QRICH2: variants seen among roughly 807,000 people sequenced by gnomAD.
The protein encoded by QRICH2 is glutamine-rich protein 2.
A neutral mutation model predicts 168.3 loss-of-function variants in QRICH2; 119 were observed. The ratio of observed to expected loss-of-function variants is 0.71; its 90% CI spans 0.61 to 0.82. QRICH2 has a LOEUF of 0.82. Ranked by LOEUF, QRICH2 falls within the 40% of genes least tolerant of loss-of-function variation. The pLI is 0.00. For synonymous variants in QRICH2, 894 were observed against 951.2 expected (o/e 0.94, Z 1.11); for missense variants, 2,241 against 2,491.6 (o/e 0.90, Z 2.14).
rs1251371728 is a variant in QRICH2 at position 76,287,063 on chromosome 17, CACACACACACACACACACACACACAT to C, written c.4011+103_4011+128del. The C allele has an allele frequency of 0.027, 6,578 of 247,676 alleles. 761 individuals are homozygous for C. In the African/African-American group the frequency reaches 0.3, roughly 11 times the overall value. The allele number at this position is 247,676 out of a possible 1,614,324, so 15.3% of individuals were successfully genotyped here. A position where few individuals can be genotyped will look rare whatever the true frequency, so the allele number is the denominator to read the frequency against. On this transcript the variant is annotated intron_variant, in intron 7 of 18. Transcript: ENST00000680821. ...CACATAACACACACACACACACACA[CACACACACACACACACACACACACAT>C]GATGGGAGGGACCTAGTTTTTGATG...
Position 76,274,231 on chromosome 17 carries a change from A to C in QRICH2, c.5512T>G (p.Ser1838Ala), listed in dbSNP as rs113534690. 1,840 of 1,595,680 alleles carry C rather than the reference A, an allele frequency of 1.2e-3. 43 individuals are homozygous for C. The South Asian group carries it at 0.019, about 17-fold the overall frequency. Reference sequence around the variant, plus strand: ...GGCTGGGAGAGACGGCCCTCGGAGGAAGGTCTATCTTTCTGTTGACGAGAA... The same window carrying C: ...GGCTGGGAGAGACGGCCCTCGGAGGCAGGTCTATCTTTCTGTTGACGAGAA... ...VSSRQQKDRP[S>A]SEGRLSQPNT... The change falls in exon 19 of 19, where the codon TCC (serine) becomes GCC (alanine). Residue 1838 changes from serine to alanine, a missense_variant. Around this residue, in one of 3 missense-constraint regions of QRICH2, gnomAD observed 189 missense variants for 169.3 expected, o/e 1.12. Transcript: ENST00000680821.
In QRICH2 at chr17:76,292,679, G is replaced by A. The variant is rs773184263; in HGVS notation, c.2048C>T (p.Pro683Leu). Reference protein sequence around the residue: ...PGRFQRALVQPGAYQPGLVQP... With the variant: ...PGRFQRALVQLGAYQPGLVQP... ...GACCAAGCCAGGCTGATATGCACCA[G>A]GCTGCACCAAAGCACGCTGAAATCT... The change falls in exon 4 of 19, where the codon CCT (proline) becomes CTT (leucine). Residue 683 changes from proline (P) to leucine (L), a missense_variant. This residue lies in a region of QRICH2 where 2,047 missense variants were observed against 2,303.8 expected (regional missense o/e 0.89). Transcript: ENST00000680821. 2 of 1,608,944 alleles carry A rather than the reference G, an allele frequency of 1.2e-6. No individual in the cohort carries two copies. Among genetic ancestry groups the A allele is most frequent in the Non-Finnish European group, 8.5e-7 (1 of 1,178,468 alleles).
intron 1 of QRICH2, 87 bp from the exon 2 acceptor site, chr17:76,305,028 C>A: frequency 1.1e-6 from 1 of 890,290 alleles, no homozygotes; most frequent in Non-Finnish European, 1.9e-6. Flanking sequence ...CGCACACACA[C>A]TCTCACACTC....
chr17:76,307,900 G>A lies in QRICH2; in HGVS notation c.99C>T (p.Leu33=). 3 of 1,265,756 alleles carry A rather than the reference G, an allele frequency of 2.4e-6. No individual in the cohort carries two copies. In the South Asian group the frequency reaches 9.6e-5, roughly 40 times the overall value. The allele number at this position is 1,265,756 out of a possible 1,614,324, so 78.4% of individuals were successfully genotyped here. ...CGAGGTTCTTGAGCATGGCCACGATGAGCGTGTGCAGGGCCGTGAAGTTGA... is the reference window on the plus strand; with the variant it reads ...CGAGGTTCTTGAGCATGGCCACGATAAGCGTGTGCAGGGCCGTGAAGTTGA... ...GAVNFTALHT[L]IVAMLKNLDL... is the part of the protein sequence containing the mutation. The change falls in exon 1 of 19, where the codon CTC becomes CTT. Residue 33 remains leucine (L), a synonymous_variant. Transcript: ENST00000680821. This position sits in a 1 kb window ranked among gnomAD's most constrained non-coding sequence, Gnocchi z 5.3.
At position 76,278,007 on chromosome 17, in the gene QRICH2, C is replaced by G; in HGVS notation, c.5099G>C (p.Gly1700Ala). The G allele has an allele frequency of 6.2e-7, 1 of 1,612,430 alleles. No individual in the cohort carries two copies. Among genetic ancestry groups the G allele is most frequent in the Non-Finnish European group, 8.5e-7 (1 of 1,180,040 alleles). The change falls in exon 15 of 19, where the codon GGC (glycine) becomes GCC (alanine). Residue 1700 changes from glycine to alanine, a missense_variant. Physicochemically the swap from Gly to Ala is moderately conservative, Grantham distance 60. This residue lies in a region of QRICH2 where 2,047 missense variants were observed against 2,303.8 expected (regional missense o/e 0.89). Transcript: ENST00000680821. The stretch of plus-strand genomic sequence containing the variant: ...CCTGTACCGTTTGTAGCAGGGGGAG[C>G]CCAGGCACTGGGCGTGCAGCAGCTC... ...IRELLHAQCL[G>A]SPCYKRVTDM...
rs371223711 is a variant in QRICH2, at chr17:76,292,008, C to T, written c.2719G>A (p.Gly907Ser). The T allele has an allele frequency of 4.5e-5, 72 of 1,614,090 alleles. No homozygotes were observed. The East Asian group carries it at 1.4e-3, about 32-fold the overall frequency. Residue 907 changes from glycine to serine, a missense_variant, in exon 4 of 19, where the codon GGT (glycine) becomes AGT (serine). Physicochemically the swap from Gly to Ser is moderately conservative, Grantham distance 56 (BLOSUM62 0). Transcript: ENST00000680821. ...DQPGLVQPGA[G>S]QLGMVQPGIG... ...CCAGGCTGCACCATACCCAGCTGAC[C>T]TGCACCAGGCTGGACCAAACCAGGC... is the stretch of plus-strand genomic sequence containing the variant.
intron 7 of QRICH2, 80 bp downstream of exon 7, chr17:76,287,112 A>C: frequency 1.4e-6 from 1 of 726,374 alleles, no homozygotes; most frequent in Non-Finnish European, 2.4e-6. Context: ...CTAGTTTTTG[A>C]TGAGAGGTGG....
intron 7 of QRICH2, 61 bp from the exon 8 acceptor site, chr17:76,282,176 C>T (rs1041100484): frequency 6.5e-7 from 1 of 1,531,786 alleles, no homozygotes; most frequent in Non-Finnish European, 8.8e-7. Flanking sequence ...ACGCTCTGCC[C>T]ATGCTGGCAC....
chr17:76,309,875 C>T (rs1242612937), upstream of QRICH2: 3 of 152,202 alleles, frequency 2.0e-5, no homozygotes. Flanking sequence ...TTTTTCACTT[C>T]AGCCTGAGAG....
chr17:76,279,388 G>A lies in QRICH2; in HGVS notation c.4789C>T (p.Pro1597Ser), dbSNP rs779404822. 1.2e-6 allele frequency: 2 copies of A among 1,613,140 alleles called. No homozygotes were observed. Among genetic ancestry groups the A allele is most frequent in the African/African-American group, 1.3e-5 (1 of 75,058 alleles). ...AHFHCLSCDRPLETPVTGHAI... is the reference protein window; with the variant it reads ...AHFHCLSCDRSLETPVTGHAI... ...TGTCCAGTCACAGGTGTCTCCAAGGGCCGGTCACATGAGAGGCAGTGGAAA... is the reference window on the plus strand; with the variant it reads ...TGTCCAGTCACAGGTGTCTCCAAGGACCGGTCACATGAGAGGCAGTGGAAA... The change falls in exon 13 of 19, where the codon CCC becomes TCC. Residue 1597 changes from proline (P) to serine (S), a missense_variant. By Grantham distance (74) the Pro-to-Ser change is moderately conservative. This residue lies in a region of QRICH2 where 2,047 missense variants were observed against 2,303.8 expected (regional missense o/e 0.89). Coordinates refer to ENST00000680821, the MANE Select transcript of QRICH2 (RefSeq NM_001388453.1).
chr17:76,279,191 G>A lies in QRICH2; in HGVS notation c.4815-49C>T, dbSNP rs748208184. ...GGGCGGGTCAGAGTGGGACAAGTCC[G>A]GTCCCCCAAATCCACCTGCCTAAAG... On this transcript the variant is annotated intron_variant, in intron 13 of 18. Transcript: ENST00000680821. 7.4e-6 allele frequency: 11 copies of A among 1,484,068 alleles called. No homozygotes were observed. In the Admixed American group the frequency reaches 9.1e-5, roughly 12 times the overall value. The allele number at this position is 1,484,068 out of a possible 1,614,324, so 91.9% of individuals were successfully genotyped here. A position where few individuals can be genotyped will look rare whatever the true frequency, so the allele number is the denominator to read the frequency against.
At position 76,307,608 on chromosome 17, in the gene QRICH2, C is replaced by T. The variant is rs908686565; in HGVS notation, c.391G>A (p.Val131Met). Residue 131 changes from valine to methionine, a missense_variant, in exon 1 of 19, where the codon GTG becomes ATG. Val to Met is a conservative substitution (Grantham distance 21). Coordinates refer to ENST00000680821, the MANE Select transcript of QRICH2 (RefSeq NM_001388453.1). This position sits in a 1 kb window ranked among gnomAD's most constrained non-coding sequence, Gnocchi z 5.3. Reference protein sequence around the residue: ...DGQVQGIATHVQHFSQASGLD... With the variant: ...DGQVQGIATHMQHFSQASGLD... ...CCGCTGGCCTGGGAGAAGTGCTGCACGTGCGTGGCGATGCCCTGCACCTGG... is the reference window on the plus strand; with the variant it reads ...CCGCTGGCCTGGGAGAAGTGCTGCATGTGCGTGGCGATGCCCTGCACCTGG... The T allele has an allele frequency of 3.9e-6, 6 of 1,534,872 alleles. No homozygotes were observed. The highest frequency in any genetic ancestry group is 1.8e-4 in the Middle Eastern group (1 of 5,662).
At position 76,307,786 on chromosome 17, in the gene QRICH2, C is replaced by T. The variant is rs2071014405; in HGVS notation, c.213G>A (p.Pro71=). Residue 71 remains proline (P), a synonymous_variant, in exon 1 of 19, where the codon CCG becomes CCA. Coordinates refer to ENST00000680821, the MANE Select transcript of QRICH2 (RefSeq NM_001388453.1). This position sits in a 1 kb window ranked among gnomAD's most constrained non-coding sequence, Gnocchi z 5.3. ...LQSVRSSFSI[P]HLPAPKEVPK... ...GCACCTCCTTGGGCGCGGGCAGGTG[C>T]GGGATGCTGAACGAGCTCCGGACGG... is the stretch of plus-strand genomic sequence containing the variant. The T allele has an allele frequency of 7.3e-7, 1 of 1,373,048 alleles. No individual in the cohort carries two copies. Among genetic ancestry groups the T allele is most frequent in the East Asian group, 2.8e-5 (1 of 35,566 alleles). The allele number at this position is 1,373,048 out of a possible 1,614,324, so 85.1% of individuals were successfully genotyped here.
intron 17 of QRICH2, 78 bp downstream of exon 17, chr17:76,276,600 TAA>T: frequency 9.6e-7 from 1 of 1,043,594 alleles, no homozygotes; most frequent in South Asian, 1.4e-5. Flanking sequence ...TAGTGGCCCA[TAA>T]AAGTGCCAGG....
rs756117622 is a variant in QRICH2, at chr17:76,291,226, T to C, written c.3501A>G (p.Glu1167=). The change falls in exon 4 of 19, where the codon GAA becomes GAG. Residue 1167 remains glutamate (E), a synonymous_variant. Transcript: ENST00000680821. ...SPDSVDRVLS[E]GSEVSSEVLS... ...GGACTTCACTCGAGACTTCGCTCCC[T>C]TCTGATAAGACTCGGTCGACGGAGT... 1.2e-6 allele frequency: 2 copies of C among 1,614,198 alleles called. No homozygotes were observed. The highest frequency in any genetic ancestry group is 3.3e-5 in the Admixed American group (2 of 60,018).
chr17:76,298,500 T>C (rs1256534709), intron 3 of QRICH2, among the ~76,000 whole-genome samples: 4 of 152,066 alleles, frequency 2.6e-5, no homozygotes, highest in Admixed American at 2.0e-4. Flanking sequence ...TAAAAACTTT[T>C]TGTAGAGACG....
chr17:76,294,121 C>G, intron 3 of QRICH2, 100 bp from the exon 4 acceptor site: 1 of 1,448,208 alleles, frequency 6.9e-7, no homozygotes, highest in East Asian at 2.3e-5. Flanking sequence ...TGATTTAGGG[C>G]CCCTGGAGAA....
rs2071005088 is a variant in QRICH2, at chr17:76,307,315, C to T, written c.534+150G>A. The T allele has an allele frequency of 2.7e-6, 2 of 727,316 alleles. No homozygotes were observed. The highest frequency in any genetic ancestry group is 4.6e-6 in the Non-Finnish European group (2 of 437,640). 45.1% of individuals were successfully genotyped at this position (727,316 alleles called of 1,614,324 possible). A position where few individuals can be genotyped will look rare whatever the true frequency, so the allele number is the denominator to read the frequency against. On this transcript the variant is annotated intron_variant, in intron 1 of 18. Coordinates refer to ENST00000680821, the MANE Select transcript of QRICH2 (RefSeq NM_001388453.1). The surrounding 1 kb of genome is among the most constrained non-coding windows in gnomAD (Gnocchi z 5.3). ...TAGAGCATGGGCCACTCTATTTAGC[C>T]AGTCGCACTGAGGTCTGGCACCTCC...
chr17:76,279,941 G>T, intron 12 of QRICH2, 92 bp downstream of exon 12: 1 of 1,432,956 alleles, frequency 7.0e-7, no homozygotes, highest in Non-Finnish European at 9.4e-7. Context: ...GCTGTGTGCT[G>T]GCAGGAGCTG....
Sources: gnomAD v4.1 joint callset for allele counts (sites outside exome capture counted in the v4.1 genomes callset) on GRCh38, gnomAD v4.1.1 for gene constraint, gnomAD v4.1.1 regional missense constraint, Gnocchi (gnomAD v3.1) non-coding constraint, MANE v1.5 for transcripts, NCBI Gene and HGNC (gene_info 2026-07-23, HGNC 2026-07-21) for gene names.